TRAPPC12: variants seen among roughly 807,000 people sequenced by gnomAD.
TRAPPC12 encodes the protein trafficking protein particle complex subunit 12.
In TRAPPC12, 61 loss-of-function variants were observed where a neutral mutation model predicts 69.2. That is an observed-to-expected ratio of 0.88 (90% confidence interval 0.72 to 1.09). The LOEUF (loss-of-function observed/expected upper bound fraction) is 1.09, where lower values mean the gene tolerates loss of function less well. Ranked by LOEUF, TRAPPC12 falls within the 50% of genes least tolerant of loss-of-function variation. The pLI is 0.00. For synonymous variants in TRAPPC12, 469 were observed against 438.9 expected (o/e 1.07, Z -0.86); for missense variants, 1,101 against 1,016.4 (o/e 1.08, Z -1.13).
rs1267471742 is a variant in TRAPPC12 at position 3,465,640 on chromosome 2, A to G, written c.1721A>G (p.Tyr574Cys). The change falls in exon 9 of 12, where the codon TAT (tyrosine) becomes TGT (cysteine). Residue 574 changes from tyrosine (Y) to cysteine (C), a missense_variant. Physicochemically the swap from Tyr to Cys is radical, Grantham distance 194 (BLOSUM62 -2). Transcript: ENST00000324266. ...GAGGCGTATCATTCGGTTATCAAGT[A>G]TTACCCAGAGCAAGAGCCCCAGCTG... ...AVEAYHSVIK[Y>C]YPEQEPQLLS... The G allele has an allele frequency of 3.1e-6, 5 of 1,614,054 alleles. No homozygotes were observed. In the African/African-American group the frequency reaches 6.7e-5, roughly 22 times the overall value.
At chr2:3,436,471 CTCTTT>C (rs1663784155) in intron 5 of TRAPPC12, among the ~76,000 whole-genome samples, 1 of 152,030 alleles carries the variant, frequency 6.6e-6, no homozygotes, top group African/African-American at 2.4e-5. Flanking sequence ...TCTATATACC[CTCTTT>C]TCTTCTGCAC....
At chr2:3,439,325 A>T (rs1412307407) in intron 5 of TRAPPC12, among the ~76,000 whole-genome samples, 1 of 152,150 alleles carries the variant, frequency 6.6e-6, no homozygotes, top group East Asian at 1.9e-4. Context: ...ACAGAGTCTC[A>T]CTTTGTCACC....
rs1660582260 is a variant in TRAPPC12, at chr2:3,387,992, G to T, written c.369G>T (p.Ala123=). 1 of 1,472,674 alleles carries T rather than the reference G, an allele frequency of 6.8e-7. No homozygotes were observed. The highest frequency in any genetic ancestry group is 8.9e-7 in the Non-Finnish European group (1 of 1,118,596). The allele number at this position is 1,472,674 out of a possible 1,614,324, so 91.2% of individuals were successfully genotyped here. ...EADGDCAPED[A]APSSGGAPRQ... ...ACGGCGACTGTGCCCCCGAGGACGC[G>T]GCACCCAGTAGCGGAGGGGCCCCGA... The change falls in exon 2 of 12, where the codon GCG becomes GCT. Residue 123 remains alanine, a synonymous_variant. Coordinates refer to ENST00000324266, the MANE Select transcript of TRAPPC12 (RefSeq NM_016030.6).
At chr2:3,474,614 C>T (rs1174819649) in intron 9 of TRAPPC12, among the ~76,000 whole-genome samples, 1 of 152,146 alleles carries the variant, frequency 6.6e-6, no homozygotes, top group Admixed American at 6.5e-5. Context: ...AGCTCCAGGG[C>T]GGCGTTTCCC....
At chr2:3,446,301 G>A (rs576003446) in intron 6 of TRAPPC12, among the ~76,000 whole-genome samples, 2 of 152,332 alleles carry the variant, frequency 1.3e-5, no homozygotes, top group South Asian at 4.1e-4. Context: ...AGAAAAACAA[G>A]CAGTTGGATT....
chr2:3,406,802 G>A (rs1030354286), intron 3 of TRAPPC12, among the ~76,000 whole-genome samples: 30 of 152,098 alleles, frequency 2.0e-4, no homozygotes, highest in Admixed American at 9.2e-4. Flanking sequence ...CACACACAAA[G>A]CCATGCATGT....
intron 7 of TRAPPC12, chr2:3,458,175 G>A (rs1665283553): frequency 1.0e-6 from 1 of 1,003,834 alleles, no homozygotes. Context: ...CTGGAGCATT[G>A]GAAACCCCTT....
intron 5 of TRAPPC12, among the ~76,000 whole-genome samples, chr2:3,440,327 G>C (rs1353791946): frequency 6.6e-6 from 1 of 152,144 alleles, no homozygotes; most frequent in Non-Finnish European, 1.5e-5. Flanking sequence ...CATGAATGTG[G>C]AATATCTCTT....
At chr2:3,397,607 A>G (rs1004942322) in intron 2 of TRAPPC12, among the ~76,000 whole-genome samples, 1 of 152,250 alleles carries the variant, frequency 6.6e-6, no homozygotes, top group Non-Finnish European at 1.5e-5. Context: ...ATCTCTGGAT[A>G]TAAGAATTAT....
chr2:3,392,201 C>T (rs1000940628), intron 2 of TRAPPC12, among the ~76,000 whole-genome samples: 1 of 152,182 alleles, frequency 6.6e-6, no homozygotes, highest in Non-Finnish European at 1.5e-5. Flanking sequence ...GCTTAAAGGT[C>T]TCTGGTCCTG....
intron 6 of TRAPPC12, chr2:3,457,173 A>C (rs769933632): frequency 2.2e-6 from 1 of 460,282 alleles, no homozygotes. Flanking sequence ...GCTGGAGGCC[A>C]TTATCCTAAG....
chr2:3,442,448 G>T (rs746039310), intron 5 of TRAPPC12, among the ~76,000 whole-genome samples: 3 of 152,142 alleles, frequency 2.0e-5, no homozygotes, highest in Non-Finnish European at 2.9e-5. Context: ...TTGTAGGCCA[G>T]TCCCCTGTGT....
chr2:3,466,441 T>C (rs753952293), intron 9 of TRAPPC12: 1 of 466,596 alleles, frequency 2.1e-6, no homozygotes, highest in South Asian at 1.6e-5. Context: ...TGTGACTGGC[T>C]TGTTTTACAG....
At chr2:3,416,302 G>A (rs1223095404) in intron 3 of TRAPPC12, among the ~76,000 whole-genome samples, 3 of 152,082 alleles carry the variant, frequency 2.0e-5, no homozygotes, top group Admixed American at 1.3e-4. Flanking sequence ...TAACAGCTTC[G>A]CCTCACAGGC....
intron 5 of TRAPPC12, among the ~76,000 whole-genome samples, chr2:3,435,521 T>A (rs991385617): frequency 4.6e-5 from 7 of 152,056 alleles, no homozygotes; most frequent in Admixed American, 4.6e-4. Context: ...CCTCCCCACC[T>A]CCCAAAAGCA....
At chr2:3,433,235 C>T (rs954853178) in intron 5 of TRAPPC12, among the ~76,000 whole-genome samples, 3 of 152,154 alleles carry the variant, frequency 2.0e-5, no homozygotes, top group Non-Finnish European at 2.9e-5. Flanking sequence ...CACACCCAGA[C>T]AGGCAGAGAC....
At chr2:3,399,547 G>A (rs62120497) in intron 2 of TRAPPC12, among the ~76,000 whole-genome samples, 26,883 of 152,120 alleles carry the variant, frequency 0.18, 2,762 homozygotes, top group Non-Finnish European at 0.23. Flanking sequence ...TGGCCTCTGC[G>A]AGCACCAGGT....
At chr2:3,384,447 T>G (rs575706745) in intron 1 of TRAPPC12, among the ~76,000 whole-genome samples, 1 of 152,320 alleles carries the variant, frequency 6.6e-6, no homozygotes, top group African/African-American at 2.4e-5. Flanking sequence ...TTCCTTTAGG[T>G]TTTTGGTAGA....
intron 10 of TRAPPC12, chr2:3,478,057 C>T (rs1034470776): frequency 1.9e-5 from 6 of 312,366 alleles, no homozygotes; most frequent in East Asian, 5.5e-5. Flanking sequence ...CCGTTTTCAG[C>T]GTATGTGTGT....
Sources: allele counts gnomAD v4.1 joint callset (sites outside exome capture counted in the v4.1 genomes callset), GRCh38; gene constraint gnomAD v4.1.1; transcripts MANE v1.5; gene names NCBI Gene and HGNC (gene_info 2026-07-23, HGNC 2026-07-21).